The following TYW1B variants were observed in gnomAD, a reference collection of about 807,000 sequenced individuals.
TYW1B encodes tRNA-yW synthesizing protein 1 homolog B.
Under a neutral mutation model 86.9 loss-of-function variants are expected in TYW1B, and 73 were observed. The ratio of observed to expected loss-of-function variants is 0.84; its 90% CI spans 0.70 to 1.02. TYW1B has a LOEUF of 1.02. Ranked by LOEUF, TYW1B falls within the 50% of genes least tolerant of loss-of-function variation. The probability of loss-of-function intolerance (pLI) is 0.00; values close to 1 mark genes in which losing one functional copy is unlikely to be tolerated. For missense variants in TYW1B, 637 were observed against 827.4 expected, an observed-to-expected ratio of 0.77 and a Z score of 2.82; for synonymous variants, 248 against 292.8, an observed-to-expected ratio of 0.85 and a Z score of 1.56.
intron 13 of TYW1B, among the ~76,000 whole-genome samples, chr7:72,578,163 G>C (rs1554429113): frequency 6.6e-6 from 1 of 150,410 alleles, no homozygotes; most frequent in Non-Finnish European, 1.5e-5. Flanking sequence ...ACCCAGGCTG[G>C]AGTGCAGTGG....
intron 11 of TYW1B, among the ~76,000 whole-genome samples, chr7:72,673,010 A>T (rs1447845345): frequency 2.0e-5 from 3 of 152,230 alleles, no homozygotes; most frequent in Non-Finnish European, 2.9e-5. Flanking sequence ...CTCTACTAAA[A>T]ATACAAAAAT....
chr7:72,725,722 G>T (rs879946261), intron 9 of TYW1B, among the ~76,000 whole-genome samples: 3 of 152,108 alleles, frequency 2.0e-5, no homozygotes, highest in Non-Finnish European at 2.9e-5. Flanking sequence ...TCTGCCAGGA[G>T]AATGCCTTTG....
In TYW1B at chr7:72,670,206, T is replaced by C. The variant is rs1813564698; in HGVS notation, c.1506+24481A>G. On this transcript the variant is annotated intron_variant, in intron 11 of 13. Coordinates refer to ENST00000620995, the MANE Select transcript of TYW1B (RefSeq NM_001145440.3). The stretch of plus-strand genomic sequence containing the variant: ...TCAGAGTTTTCATGTGTTATCTTTT[T>C]TTGAGACTGAGTTCCACTCTTGTTG... 1.3e-5 allele frequency among the ~76,000 whole-genome samples: 2 copies of C among 152,200 alleles called. 1 individual carries two copies. Among genetic ancestry groups the C allele is most frequent in the South Asian group, 4.1e-4 (2 of 4,828 alleles).
At chr7:72,753,329 A>AC (rs1310983347) in intron 7 of TYW1B, among the ~76,000 whole-genome samples, 2 of 152,184 alleles carry the variant, frequency 1.3e-5, no homozygotes, top group African/African-American at 4.8e-5. Flanking sequence ...ATTCCATAAT[A>AC]AAGTTCTAAA....
At chr7:72,603,241 CGGACGGAT>C (rs1563026117) in intron 13 of TYW1B, among the ~76,000 whole-genome samples, 1 of 143,026 alleles carries the variant, frequency 7.0e-6, no homozygotes, top group African/African-American at 2.6e-5. Flanking sequence ...AGATGATGGA[CGGACGGAT>C]GGATGGATGG....
intron 2 of TYW1B, among the ~76,000 whole-genome samples, chr7:72,817,875 G>A (rs530254476): frequency 2.0e-5 from 3 of 152,178 alleles, no homozygotes; most frequent in South Asian, 2.1e-4. Context: ...GCCAATCAGA[G>A]GCTGCAGTGG....
intron 8 of TYW1B, among the ~76,000 whole-genome samples, chr7:72,739,604 TC>T (rs1372716454): frequency 3.6e-4 from 50 of 137,764 alleles, no homozygotes; most frequent in Admixed American, 1.1e-3. Flanking sequence ...AGACTCCGTC[TC>T]CAAAAAAAAA....
chr7:72,579,133 T>C (rs1371594854), intron 13 of TYW1B, among the ~76,000 whole-genome samples: 14 of 152,098 alleles, frequency 9.2e-5, no homozygotes, highest in Non-Finnish European at 1.5e-4. Flanking sequence ...ACACACAAGC[T>C]GGGAATACAA....
chr7:72,723,191 G>A (rs1278099263), intron 9 of TYW1B: 1 of 378,794 alleles, frequency 2.6e-6, no homozygotes, highest in African/African-American at 2.1e-5. Context: ...GTGGGGCTGG[G>A]GCCTCACTTC....
chr7:72,661,934 GA>G lies in TYW1B; in HGVS notation c.1506+32752del, dbSNP rs562169903. Reference sequence around the variant, plus strand: ...TCTACTTCCCTATTTCCCTTTCAGAGATTATGAGGAAGTTCTAGAAAACTAG... The same window carrying G: ...TCTACTTCCCTATTTCCCTTTCAGAGTTATGAGGAAGTTCTAGAAAACTAG... On this transcript the variant is annotated intron_variant, in intron 11 of 13. Transcript: ENST00000620995. 3.0e-3 allele frequency among the ~76,000 whole-genome samples: 449 copies of G among 151,322 alleles called. 1 individual carries two copies. Among genetic ancestry groups the G allele is most frequent in the African/African-American group, 0.011 (438 of 40,782 alleles).
At position 72,820,206 on chromosome 7, in the gene TYW1B, C is replaced by T. The variant is rs138166451; in HGVS notation, c.136-4725G>A. 6.6e-3 allele frequency among the ~76,000 whole-genome samples: 1,007 copies of T among 152,170 alleles called. 15 individuals carry two copies. The highest frequency in any genetic ancestry group is 0.021 in the African/African-American group (870 of 41,508). The stretch of plus-strand genomic sequence containing the variant: ...AAGAGAATCACTTGAACCCAGGAGG[C>T]GAAGGTTGCAGTGAGCTGAGATCGC... On this transcript the variant is annotated intron_variant, in intron 2 of 13. Transcript: ENST00000620995.
chr7:72,813,818 A>T (rs1284616665), intron 3 of TYW1B, among the ~76,000 whole-genome samples: 1 of 151,944 alleles, frequency 6.6e-6, no homozygotes, highest in Non-Finnish European at 1.5e-5. Flanking sequence ...AGTTCGACAC[A>T]AGCATGGCCA....
intron 13 of TYW1B, among the ~76,000 whole-genome samples, chr7:72,609,291 G>A (rs141326572): frequency 1.7e-3 from 252 of 152,248 alleles, no homozygotes; most frequent in African/African-American, 5.8e-3. Flanking sequence ...GGGCACGGTG[G>A]CTCATGTCTG....
chr7:72,778,989 A>G (rs1472124539), intron 6 of TYW1B, among the ~76,000 whole-genome samples: 4 of 152,028 alleles, frequency 2.6e-5, no homozygotes, highest in Admixed American at 6.6e-5. Flanking sequence ...CTTTTTGGGA[A>G]TGGCAGAGTG....
chr7:72,579,644 G>A (rs1307578475), intron 13 of TYW1B, among the ~76,000 whole-genome samples: 3 of 152,064 alleles, frequency 2.0e-5, no homozygotes, highest in African/African-American at 7.2e-5. Flanking sequence ...GCCCTCTCAT[G>A]TCTCTTCTTC....
chr7:72,717,582 C>T (rs1223404423), intron 9 of TYW1B, among the ~76,000 whole-genome samples: 2 of 151,896 alleles, frequency 1.3e-5, no homozygotes, highest in East Asian at 3.9e-4. Context: ...ACACATTCTT[C>T]TTAGAACATA....
intron 6 of TYW1B, among the ~76,000 whole-genome samples, chr7:72,793,433 AAC>A (rs1331067593): frequency 2.0e-5 from 3 of 152,096 alleles, no homozygotes; most frequent in African/African-American, 7.2e-5. Context: ...ATATCTGAGA[AAC>A]AGTTTTACAA....
chr7:72,788,549 T>TG (rs1192966769), intron 6 of TYW1B, among the ~76,000 whole-genome samples: 6 of 152,210 alleles, frequency 3.9e-5, no homozygotes, highest in African/African-American at 1.4e-4. Context: ...GTTTTGTTTT[T>TG]GAGATGGGAG....
chr7:72,795,078 C>T (rs1334921137), intron 6 of TYW1B, among the ~76,000 whole-genome samples: 2 of 151,938 alleles, frequency 1.3e-5, no homozygotes, highest in African/African-American at 4.8e-5. Context: ...TCTCGGCCTC[C>T]CAAAGTGCTG....
Sources: gnomAD v4.1 joint callset for allele counts (sites outside exome capture counted in the v4.1 genomes callset) on GRCh38, gnomAD v4.1.1 for gene constraint, MANE v1.5 for transcripts, NCBI Gene and HGNC (gene_info 2026-07-23, HGNC 2026-07-21) for gene names.